LUC7L3: variants seen among roughly 807,000 people sequenced by gnomAD.
LUC7L3 encodes LUC7 like 3 pre-mRNA splicing factor, also known as luc7-like protein 3.
Under a neutral mutation model 66.8 loss-of-function variants are expected in LUC7L3, and 6 were observed. That is an observed-to-expected ratio of 0.09 (90% confidence interval 0.05 to 0.18). The LOEUF (loss-of-function observed/expected upper bound fraction) is 0.18, where lower values mean the gene tolerates loss of function less well. Among genes scored for constraint, LUC7L3 ranks in the 10% least tolerant of loss-of-function variants. LUC7L3 has a pLI of 1.00. For missense variants in LUC7L3, 341 were observed against 531.1 expected, an observed-to-expected ratio of 0.64 and a Z score of 3.52; for synonymous variants, 160 against 174.7, an observed-to-expected ratio of 0.92 and a Z score of 0.66.
rs1436723813 is a variant in LUC7L3 at position 50,754,342 on chromosome 17, A to G, written c.*3681A>G. On this transcript the variant is annotated 3_prime_UTR_variant, in exon 10 of 10. Coordinates refer to ENST00000505658, the MANE Select transcript of LUC7L3 (RefSeq NM_016424.5). ...ACCAACAAGACTCATGACCACTTTT[A>G]TACTTCATGAGTGATTGTATTTGTA... 1 of 152,200 alleles carries G rather than the reference A, an allele frequency of 6.6e-6. No individual in the cohort carries two copies. The highest frequency in any genetic ancestry group is 1.9e-4 in the East Asian group (1 of 5,206). The allele number at this position is 152,200 out of a possible 1,614,324, so 9.4% of individuals were successfully genotyped here. A position where few individuals can be genotyped will look rare whatever the true frequency, so the allele number is the denominator to read the frequency against.
chr17:50,742,831 C>A (rs1478421576), intron 5 of LUC7L3, among the ~76,000 whole-genome samples: 2 of 152,094 alleles, frequency 1.3e-5, no homozygotes, highest in African/African-American at 4.8e-5. Flanking sequence ...AATTAAAATA[C>A]CCATCAGCAG....
At chr17:50,741,370 A>T (rs1597925566) in intron 4 of LUC7L3, 124 bp downstream of exon 4, 1 of 981,820 alleles carries the variant, frequency 1.0e-6, no homozygotes, top group East Asian at 2.7e-5. Flanking sequence ...TATGAAACTT[A>T]TAGGGCATTC....
At chr17:50,748,593 G>T (rs149165584) in intron 9 of LUC7L3, among the ~76,000 whole-genome samples, 2 of 151,876 alleles carry the variant, frequency 1.3e-5, no homozygotes, top group Non-Finnish European at 2.9e-5. Flanking sequence ...TAAAGTGCTG[G>T]GGTTATAGGT....
In LUC7L3 at chr17:50,755,128, A is replaced by T. The variant is rs1300269178; in HGVS notation, c.*4467A>T. On this transcript the variant is annotated 3_prime_UTR_variant, in exon 10 of 10. Coordinates refer to ENST00000505658, the MANE Select transcript of LUC7L3 (RefSeq NM_016424.5). ...CTGAGGGATTTTTTAGTTGTTTGTG[A>T]AAGAACCCCAGGTCTACTTTTGAAA... 1 of 152,128 alleles carries T rather than the reference A, an allele frequency of 6.6e-6. No individual in the cohort carries two copies. The allele number at this position is 152,128 out of a possible 1,614,324, so 9.4% of individuals were successfully genotyped here. A position where few individuals can be genotyped will look rare whatever the true frequency, so the allele number is the denominator to read the frequency against.
chr17:50,721,482 T>C (rs1331395851), intron 1 of LUC7L3, among the ~76,000 whole-genome samples: 1 of 152,232 alleles, frequency 6.6e-6, no homozygotes, highest in Non-Finnish European at 1.5e-5. Flanking sequence ...TTAGTACTTT[T>C]CACTAATTTT....
At position 50,751,802 on chromosome 17, in the gene LUC7L3, C is replaced by G; in HGVS notation, c.*1141C>G. On this transcript the variant is annotated 3_prime_UTR_variant, in exon 10 of 10. Transcript: ENST00000505658. ...ACCTTCAATTTGTGAAATCAAAGAA[C>G]TGATGCACTATATAGAACGAATTTG... The G allele has an allele frequency of 9.8e-7, 1 of 1,018,576 alleles. No homozygotes were observed. Among genetic ancestry groups the G allele is most frequent in the South Asian group, 3.8e-5 (1 of 26,582 alleles). 63.1% of individuals were successfully genotyped at this position (1,018,576 alleles called of 1,614,324 possible). A position where few individuals can be genotyped will look rare whatever the true frequency, so the allele number is the denominator to read the frequency against.
Position 50,745,956 on chromosome 17 carries a change from G to T in LUC7L3, c.930G>T (p.Arg310Ser). Residue 310 changes from arginine (R) to serine (S), a missense_variant, in exon 8 of 10, where the codon AGG (arginine) becomes AGT (serine). Arg to Ser is a moderately radical substitution (Grantham distance 110, BLOSUM62 -1). Around this residue, in one of 6 missense-constraint regions of LUC7L3, gnomAD observed 210 missense variants for 238.1 expected, o/e 0.88. Coordinates refer to ENST00000505658, the MANE Select transcript of LUC7L3 (RefSeq NM_016424.5). ...GAACATCAGACAGAAGATGCAGCAG[G>T]TCTCGGGACCACAAAAGGTCACGAA... ...SSRTSDRRCS[R>S]SRDHKRSRSR... The T allele has an allele frequency of 6.2e-7, 1 of 1,609,688 alleles. No individual in the cohort carries two copies. Among genetic ancestry groups the T allele is most frequent in the Non-Finnish European group, 8.5e-7 (1 of 1,178,940 alleles).
chr17:50,725,009 C>T (rs544280871), intron 1 of LUC7L3, among the ~76,000 whole-genome samples: 31 of 152,268 alleles, frequency 2.0e-4, no homozygotes, highest in African/African-American at 6.7e-4. Context: ...GATCCTCCCT[C>T]GGCCTCCCAA....
intron 5 of LUC7L3, among the ~76,000 whole-genome samples, chr17:50,743,397 G>A (rs1205800309): frequency 1.3e-5 from 2 of 151,900 alleles, no homozygotes; most frequent in East Asian, 1.9e-4. Flanking sequence ...GTAGAGATGG[G>A]GTTTCACCAT....
At chr17:50,727,698 G>A (rs896488790) in intron 1 of LUC7L3, among the ~76,000 whole-genome samples, 1 of 152,238 alleles carries the variant, frequency 6.6e-6, no homozygotes, top group Non-Finnish European at 1.5e-5. Context: ...TTACCAGCCT[G>A]AAGGAAGAGC....
intron 1 of LUC7L3, among the ~76,000 whole-genome samples, chr17:50,734,002 T>G (rs916910784): frequency 6.6e-6 from 1 of 152,148 alleles, no homozygotes; most frequent in African/African-American, 2.4e-5. Context: ...GAACACAAAG[T>G]TGAACAAAAT....
chr17:50,742,484 G>A (rs1970412813), intron 5 of LUC7L3, among the ~76,000 whole-genome samples: 1 of 151,884 alleles, frequency 6.6e-6, no homozygotes, highest in Admixed American at 6.6e-5. Flanking sequence ...TCAGCCTCCC[G>A]AGTAGCTGGG....
intron 4 of LUC7L3, 112 bp downstream of exon 4, chr17:50,741,358 GAT>G (rs1261005720): frequency 9.0e-7 from 1 of 1,110,808 alleles, no homozygotes; most frequent in Non-Finnish European, 1.3e-6. Context: ...TCTTTAAAAT[GAT>G]ATGAAACTTA....
At chr17:50,724,353 C>A (rs1969013560) in intron 1 of LUC7L3, 1 of 153,344 alleles carries the variant, frequency 6.5e-6, no homozygotes, top group South Asian at 2.0e-4. Flanking sequence ...AACCCTGTCT[C>A]TAATAAAAAA....
rs1273061277 is a variant in LUC7L3 at position 50,753,542 on chromosome 17, A to G, written c.*2881A>G. On this transcript the variant is annotated 3_prime_UTR_variant, in exon 10 of 10. Transcript: ENST00000505658. ...GGAGACAGAGCCCTCCTGGCTCCCT[A>G]GCTGATCCTGGAGATGCAGCAATAG... 2 of 152,186 alleles carry G rather than the reference A, an allele frequency of 1.3e-5. No homozygotes were observed. Among genetic ancestry groups the G allele is most frequent in the Non-Finnish European group, 2.9e-5 (2 of 68,018 alleles). 9.4% of individuals were successfully genotyped at this position (152,186 alleles called of 1,614,324 possible). A position where few individuals can be genotyped will look rare whatever the true frequency, so the allele number is the denominator to read the frequency against.
chr17:50,725,386 C>T (rs1007904974), intron 1 of LUC7L3, among the ~76,000 whole-genome samples: 13 of 151,834 alleles, frequency 8.6e-5, no homozygotes, highest in Admixed American at 1.3e-4. Context: ...TTCCAGCCTG[C>T]GTGACAGGAG....
chr17:50,724,610 ATTGT>A (rs1438632824), intron 1 of LUC7L3, among the ~76,000 whole-genome samples: 1 of 51,236 alleles, frequency 2.0e-5, no homozygotes, highest in Non-Finnish European at 3.5e-5. Flanking sequence ...CTTTAGGAAA[ATTGT>A]GTGTGTGTGT....
Position 50,751,123 on chromosome 17 carries a change from T to A in LUC7L3, c.*462T>A. ...AATATTTCGGAGGCACATGTTGGAC[T>A]ACTTTGTTTTAATTAAACTGCTAGT... On this transcript the variant is annotated 3_prime_UTR_variant, in exon 10 of 10. Transcript: ENST00000505658. 6.9e-7 allele frequency: 1 copy of A among 1,456,336 alleles called. No homozygotes were observed. The highest frequency in any genetic ancestry group is 9.0e-7 in the Non-Finnish European group (1 of 1,112,410). The allele number at this position is 1,456,336 out of a possible 1,614,324, so 90.2% of individuals were successfully genotyped here.
chr17:50,751,188 G>A lies in LUC7L3; in HGVS notation c.*527G>A. On this transcript the variant is annotated 3_prime_UTR_variant, in exon 10 of 10. Transcript: ENST00000505658. Reference sequence around the variant, plus strand: ...GATGTTTCTAGTTTTTTGCTTTATTGCCTTGCATTCTAATGCAGTTTGTTC... The same window carrying A: ...GATGTTTCTAGTTTTTTGCTTTATTACCTTGCATTCTAATGCAGTTTGTTC... The A allele has an allele frequency of 6.8e-7, 1 of 1,470,134 alleles. No homozygotes were observed. Among genetic ancestry groups the A allele is most frequent in the Non-Finnish European group, 9.0e-7 (1 of 1,109,122 alleles). The allele number at this position is 1,470,134 out of a possible 1,614,324, so 91.1% of individuals were successfully genotyped here.
Sources: gnomAD v4.1 joint callset for allele counts (sites outside exome capture counted in the v4.1 genomes callset) on GRCh38, gnomAD v4.1.1 for gene constraint, gnomAD v4.1.1 regional missense constraint, MANE v1.5 for transcripts, NCBI Gene and HGNC (gene_info 2026-07-23, HGNC 2026-07-21) for gene names.